The following MBD5 variants were observed in gnomAD, a reference collection of about 807,000 sequenced individuals.
The protein encoded by MBD5 is methyl-CpG-binding domain protein 5.
Under a neutral mutation model 117.3 loss-of-function variants are expected in MBD5, and 13 were observed. The ratio of observed to expected loss-of-function variants is 0.11; its 90% CI spans 0.07 to 0.18. The LOEUF (loss-of-function observed/expected upper bound fraction) is 0.18. Among genes scored for constraint, MBD5 ranks in the 10% least tolerant of loss-of-function variants. The pLI, the probability that MBD5 is intolerant of heterozygous loss-of-function variation, is 1.00. For missense variants in MBD5, 1,879 were observed against 2,093.8 expected (o/e 0.90, Z 2.00); for synonymous variants, 727 against 766.4 (o/e 0.95, Z 0.85).
At chr2:148,320,387 C>G (rs945819511) in intron 3 of MBD5, among the ~76,000 whole-genome samples, 1 of 152,068 alleles carries the variant, frequency 6.6e-6, no homozygotes, top group Non-Finnish European at 1.5e-5. Context: ...CAGAATCTCA[C>G]TCTGACACTC....
intron 4 of MBD5, among the ~76,000 whole-genome samples, chr2:148,392,786 G>T (rs938957751): frequency 1.3e-5 from 2 of 152,082 alleles, no homozygotes; most frequent in African/African-American, 4.8e-5. Flanking sequence ...CCTTCATCAG[G>T]CCTGGGGTAT....
intron 1 of MBD5, among the ~76,000 whole-genome samples, chr2:148,130,873 A>T (rs1463476850): frequency 6.6e-6 from 1 of 152,182 alleles, no homozygotes; most frequent in Non-Finnish European, 1.5e-5. Context: ...AGACTAGCTA[A>T]TATGTAATAT....
chr2:148,116,159 A>G (rs1696633835), intron 1 of MBD5, among the ~76,000 whole-genome samples: 1 of 151,712 alleles, frequency 6.6e-6, no homozygotes, highest in South Asian at 2.1e-4. Flanking sequence ...TTCTACATTT[A>G]AATATTTACG....
At chr2:148,453,479 A>T (rs975621984) in intron 4 of MBD5, among the ~76,000 whole-genome samples, 44 of 152,074 alleles carry the variant, frequency 2.9e-4, no homozygotes, top group Non-Finnish European at 5.3e-4. Context: ...TTGTGAAATA[A>T]ATATAAATTA....
chr2:148,312,782 G>C (rs776187416), intron 3 of MBD5, among the ~76,000 whole-genome samples: 1 of 152,044 alleles, frequency 6.6e-6, no homozygotes, highest in Non-Finnish European at 1.5e-5. Flanking sequence ...TTGTCTTCCT[G>C]GATTTATCTA....
intron 8 of MBD5, chr2:148,470,858 G>A (rs1258032991): frequency 5.2e-6 from 1 of 192,204 alleles, no homozygotes; most frequent in African/African-American, 2.3e-5. Flanking sequence ...GGTAAATGAA[G>A]TTTATCTTGG....
intron 1 of MBD5, among the ~76,000 whole-genome samples, chr2:148,147,757 G>A (rs952809271): frequency 6.6e-6 from 1 of 152,082 alleles, no homozygotes; most frequent in Non-Finnish European, 1.5e-5. Context: ...AAGCCAGTAC[G>A]TTTCCCTGCC....
intron 4 of MBD5, among the ~76,000 whole-genome samples, chr2:148,394,545 G>GTTTTTTTTTTTTTCTTTTTTTT (rs1704651751): frequency 1.6e-5 from 2 of 121,854 alleles, no homozygotes; most frequent in Non-Finnish European, 3.4e-5. Flanking sequence ...CTGTACTTTG[G>GTTTTTTTTTTTTTCTTTTTTTT]TTTTTTTTTT....
Position 148,483,845 on chromosome 2 carries a change from T to C in MBD5, c.3254T>C (p.Leu1085Ser). ...AVNGASGLMT[L>S]NPQLLGGVLN... ...AATGGGGCCTCAGGATTAATGACCT[T>C]GAATCCCCAGCTGTTGGGAGGTGTC... The change falls in exon 9 of 14, where the codon TTG (leucine) becomes TCG (serine). Residue 1085 changes from leucine to serine, a missense_variant. Leu to Ser is a moderately radical substitution (Grantham distance 145). Around this residue, in one of 4 missense-constraint regions of MBD5, gnomAD observed 1,666 missense variants for 1,792.2 expected, o/e 0.93. Coordinates refer to ENST00000642680, the MANE Select transcript of MBD5 (RefSeq NM_001378120.1). 1 of 1,550,566 alleles carries C rather than the reference T, an allele frequency of 6.4e-7. No homozygotes were observed. The highest frequency in any genetic ancestry group is 8.7e-7 in the Non-Finnish European group (1 of 1,146,978).
intron 4 of MBD5, among the ~76,000 whole-genome samples, chr2:148,455,771 G>C (rs1270589023): frequency 6.6e-6 from 1 of 151,438 alleles, no homozygotes; most frequent in Admixed American, 6.6e-5. Context: ...AAAAAAAAAA[G>C]GTATCAAATA....
At chr2:148,268,768 A>G (rs181878431) in intron 3 of MBD5, among the ~76,000 whole-genome samples, 27 of 151,950 alleles carry the variant, frequency 1.8e-4, no homozygotes, top group African/African-American at 6.0e-4. Context: ...ACCTATTATT[A>G]TAATGATATA....
At chr2:148,345,279 A>G (rs970337406) in intron 4 of MBD5, among the ~76,000 whole-genome samples, 8 of 150,372 alleles carry the variant, frequency 5.3e-5, no homozygotes, top group Non-Finnish European at 1.0e-4. Context: ...TCTATTGTCT[A>G]TGATTCCTAG....
intron 1 of MBD5, among the ~76,000 whole-genome samples, chr2:148,087,884 A>T (rs911863179): frequency 2.0e-5 from 3 of 152,218 alleles, no homozygotes; most frequent in Non-Finnish European, 4.4e-5. Context: ...GAATTGCCAG[A>T]TGAAGAATTC....
At chr2:148,130,480 C>A (rs1237087848) in intron 1 of MBD5, among the ~76,000 whole-genome samples, 1 of 151,398 alleles carries the variant, frequency 6.6e-6, no homozygotes, top group East Asian at 1.9e-4. Flanking sequence ...CATGTAGAAA[C>A]AAGCATGTAG....
At chr2:148,149,084 C>G (rs1697558704) in intron 1 of MBD5, among the ~76,000 whole-genome samples, 1 of 150,588 alleles carries the variant, frequency 6.6e-6, no homozygotes. Context: ...TGCTATCCCT[C>G]CCCACTCCCC....
At chr2:148,062,992 T>C (rs1442050653) in intron 1 of MBD5, among the ~76,000 whole-genome samples, 1 of 152,150 alleles carries the variant, frequency 6.6e-6, no homozygotes, top group African/African-American at 2.4e-5. Flanking sequence ...TCAGCACATA[T>C]TTGCGGATTC....
chr2:148,376,454 A>T (rs1703990797), intron 4 of MBD5, among the ~76,000 whole-genome samples: 2 of 150,262 alleles, frequency 1.3e-5, no homozygotes, highest in Admixed American at 6.7e-5. Context: ...TTTTTAGCAG[A>T]GACGGGGTTT....
intron 4 of MBD5, among the ~76,000 whole-genome samples, chr2:148,426,872 G>T (rs578023499): frequency 1.3e-5 from 2 of 152,088 alleles, no homozygotes; most frequent in Non-Finnish European, 2.9e-5. Context: ...GCAACCTACA[G>T]AATGGGAGAA....
intron 2 of MBD5, among the ~76,000 whole-genome samples, chr2:148,229,721 C>T (rs1699935112): frequency 6.6e-6 from 1 of 152,148 alleles, no homozygotes; most frequent in Admixed American, 6.6e-5. Flanking sequence ...TTAGGGGCAC[C>T]ACAAGCCTGG....
Sources: gnomAD v4.1 joint callset for allele counts (sites outside exome capture counted in the v4.1 genomes callset) on GRCh38, gnomAD v4.1.1 for gene constraint, gnomAD v4.1.1 regional missense constraint, MANE v1.5 for transcripts, NCBI Gene and HGNC (gene_info 2026-07-23, HGNC 2026-07-21) for gene names.